The following ANKRD44 variants were observed in gnomAD, a reference collection of about 807,000 sequenced individuals.
The protein encoded by ANKRD44 is serine/threonine-protein phosphatase 6 regulatory ankyrin repeat subunit B.
A neutral mutation model predicts 116.0 loss-of-function variants in ANKRD44; 35 were observed. The ratio of observed to expected loss-of-function variants is 0.30; its 90% CI spans 0.23 to 0.40. The LOEUF (loss-of-function observed/expected upper bound fraction) is 0.40, where lower values mean the gene tolerates loss of function less well. Among genes scored for constraint, ANKRD44 ranks in the 10% least tolerant of loss-of-function variants. The pLI is 1.00. For missense variants in ANKRD44, 1,014 were observed against 1,242.6 expected (o/e 0.82, Z 2.77); for synonymous variants, 435 against 461.8 (o/e 0.94, Z 0.74).
In ANKRD44 at chr2:197,008,981, TGTC is replaced by T; in HGVS notation, c.1972_1974del (p.Asp658del). 6.2e-7 allele frequency: 1 copy of T among 1,614,228 alleles called. No homozygotes were observed. The highest frequency in any genetic ancestry group is 8.5e-7 in the Non-Finnish European group (1 of 1,180,030). Reference sequence around the variant, plus strand: ...TCTTTCACATCGACCGCCTCCGGGTTGTCTGCAATTTCTAGCAACAGCCGTAAA... The same window carrying T: ...TCTTTCACATCGACCGCCTCCGGGTTTGCAATTTCTAGCAACAGCCGTAAA... On this transcript the variant is annotated inframe_deletion, in exon 19 of 28. Transcript: ENST00000282272.
At chr2:197,215,075 C>T (rs1415707199) in intron 1 of ANKRD44, among the ~76,000 whole-genome samples, 1 of 152,112 alleles carries the variant, frequency 6.6e-6, no homozygotes, top group Admixed American at 6.6e-5. Context: ...AGGGTTTTGC[C>T]ATGTTGGCCA....
At chr2:197,303,845 T>A (rs944338325) in intron 1 of ANKRD44, among the ~76,000 whole-genome samples, 4 of 152,206 alleles carry the variant, frequency 2.6e-5, no homozygotes, top group Admixed American at 2.0e-4. Flanking sequence ...ATGAATATCA[T>A]AATTACAAGC....
At chr2:197,200,249 C>A (rs891329547) in intron 1 of ANKRD44, among the ~76,000 whole-genome samples, 10 of 152,072 alleles carry the variant, frequency 6.6e-5, no homozygotes, top group African/African-American at 2.4e-4. Flanking sequence ...ATTCTAGGAG[C>A]CTTCTTGATT....
chr2:196,981,141 A>G (rs1303174170), intron 21 of ANKRD44, among the ~76,000 whole-genome samples: 1 of 152,210 alleles, frequency 6.6e-6, no homozygotes, highest in East Asian at 1.9e-4. Context: ...CTCTGGGGCT[A>G]CAATTCAATA....
At chr2:197,089,530 G>A (rs1369263763) in intron 11 of ANKRD44, among the ~76,000 whole-genome samples, 1 of 152,192 alleles carries the variant, frequency 6.6e-6, no homozygotes, top group African/African-American at 2.4e-5. Context: ...CCCAGGGAGT[G>A]GGAAAGTAAC....
chr2:197,248,578 G>GTGTGTATATATATATATATATATATATA (rs544362365), intron 1 of ANKRD44, among the ~76,000 whole-genome samples: 1 of 144,226 alleles, frequency 6.9e-6, no homozygotes, highest in African/African-American at 2.7e-5. Context: ...GTGTGTGTGT[G>GTGTGTATATATATATATATATATATATA]TATATATATA....
chr2:197,049,501 A>G (rs1392846894), intron 16 of ANKRD44, among the ~76,000 whole-genome samples: 1 of 152,190 alleles, frequency 6.6e-6, no homozygotes, highest in East Asian at 1.9e-4. Flanking sequence ...CTACACAATC[A>G]GACACTAATA....
intron 27 of ANKRD44, chr2:196,992,818 G>C (rs977322342): frequency 2.6e-5 from 4 of 152,634 alleles, no homozygotes; most frequent in Non-Finnish European, 4.4e-5. Context: ...CCTGTAATAA[G>C]CAGTTAATTG....
chr2:197,029,046 T>A (rs981740347), intron 16 of ANKRD44: 2 of 157,726 alleles, frequency 1.3e-5, no homozygotes, highest in African/African-American at 4.8e-5. Context: ...TTCTTACATA[T>A]GTATACATGT....
intron 1 of ANKRD44, among the ~76,000 whole-genome samples, 158 bp downstream of exon 1, chr2:197,310,420 C>T (rs1444803823): frequency 2.0e-5 from 3 of 147,384 alleles, no homozygotes; most frequent in Non-Finnish European, 4.5e-5. Flanking sequence ...GGAGCTGCCG[C>T]CGCGGGCTCT....
intron 10 of ANKRD44, among the ~76,000 whole-genome samples, chr2:197,090,515 CAG>C (rs1344247824): frequency 3.6e-5 from 5 of 139,266 alleles, no homozygotes; most frequent in East Asian, 4.1e-4. Flanking sequence ...TTTTTTGAGA[CAG>C]AGTCTCACCT....
chr2:197,066,010 C>G (rs1055164985), intron 16 of ANKRD44, among the ~76,000 whole-genome samples: 35 of 152,300 alleles, frequency 2.3e-4, no homozygotes, highest in African/African-American at 7.2e-4. Context: ...AGACCAATAT[C>G]CCTGACAAAC....
chr2:197,142,564 G>T (rs1328348397), intron 3 of ANKRD44, among the ~76,000 whole-genome samples: 1 of 152,052 alleles, frequency 6.6e-6, no homozygotes, highest in Non-Finnish European at 1.5e-5. Context: ...AACTCTCCTT[G>T]GAGTTGCCTT....
At position 197,008,974 on chromosome 2, in the gene ANKRD44, TC is replaced by T; in HGVS notation, c.1981del (p.Glu661ArgfsTer5). 1 of 1,614,170 alleles carries T rather than the reference TC, an allele frequency of 6.2e-7. No individual in the cohort carries two copies. The highest frequency in any genetic ancestry group is 8.5e-7 in the Non-Finnish European group (1 of 1,180,006). On this transcript the variant is annotated frameshift_variant, in exon 19 of 28. Coordinates refer to ENST00000282272, the MANE Select transcript of ANKRD44 (RefSeq NM_001195144.2). LOFTEE classifies it high-confidence loss of function. Reference protein sequence around the residue: ...RLLLEIADNPEAVDVKDAKGQ... With the variant: ...RLLLEIADNPXAVDVKDAKGQ... ...TTTGGCATCTTTCACATCGACCGCC[TC>T]CGGGTTGTCTGCAATTTCTAGCAAC...
At chr2:197,138,321 A>G (rs1010369903) in intron 3 of ANKRD44, among the ~76,000 whole-genome samples, 12 of 152,366 alleles carry the variant, frequency 7.9e-5, no homozygotes, top group Admixed American at 7.8e-4. Context: ...GAAGTCAAAT[A>G]GGAACTTTAA....
intron 2 of ANKRD44, among the ~76,000 whole-genome samples, chr2:197,165,694 T>C (rs2125518317): frequency 6.6e-6 from 1 of 152,324 alleles, no homozygotes; most frequent in Non-Finnish European, 1.5e-5. Flanking sequence ...TGTGGAAGCA[T>C]TACTGATGAG....
At position 197,187,617 on chromosome 2, in the gene ANKRD44, G is replaced by A. The variant is rs2080711030; in HGVS notation, c.28-511C>T. 2.7e-5 allele frequency among the ~76,000 whole-genome samples: 4 copies of A among 150,438 alleles called. No homozygotes were observed. The South Asian group carries it at 8.4e-4, about 32-fold the overall frequency. On this transcript the variant is annotated intron_variant, in intron 1 of 27. Transcript: ENST00000282272. The stretch of plus-strand genomic sequence containing the variant: ...AGGACCGGTGTCTTCATAAGAAGAG[G>A]AAGAGACACCAGAGCTCACGTTCTC...
At chr2:197,125,559 GAAATCT>G (rs1371653935) in intron 5 of ANKRD44, 91 bp from the exon 6 acceptor site, 3 of 1,210,006 alleles carry the variant, frequency 2.5e-6, no homozygotes, top group Admixed American at 3.4e-5. Context: ...AAATTAACAT[GAAATCT>G]AAAGGCAGGT....
chr2:197,108,248 G>C (rs2078479993), intron 9 of ANKRD44, among the ~76,000 whole-genome samples: 1 of 152,150 alleles, frequency 6.6e-6, no homozygotes, highest in Non-Finnish European at 1.5e-5. Context: ...CTTTGAAATG[G>C]AGATAATCAT....
Sources: allele counts gnomAD v4.1 joint callset (sites outside exome capture counted in the v4.1 genomes callset), GRCh38; gene constraint gnomAD v4.1.1; transcripts MANE v1.5; gene names NCBI Gene and HGNC (gene_info 2026-07-23, HGNC 2026-07-21).